SUSD4: variants seen among roughly 807,000 people sequenced by gnomAD.
SUSD4 encodes sushi domain-containing protein 4.
In SUSD4, 41 loss-of-function variants were observed where a neutral mutation model predicts 50.5. The ratio of observed to expected loss-of-function variants is 0.81; its 90% CI spans 0.63 to 1.05. The LOEUF (loss-of-function observed/expected upper bound fraction) is 1.05, where lower values mean the gene tolerates loss of function less well. Among genes scored for constraint, SUSD4 ranks in the 50% least tolerant of loss-of-function variants. SUSD4 has a pLI of 0.00. For synonymous variants in SUSD4, 257 were observed against 257.3 expected (o/e 1.00, Z 0.01); for missense variants, 580 against 634.7 (o/e 0.91, Z 0.93).
At chr1:223,252,902 C>T (rs114147549) in intron 5 of SUSD4, among the ~76,000 whole-genome samples, 7,432 of 151,708 alleles carry the variant, frequency 0.049, 277 homozygotes, top group Non-Finnish European at 0.074. Context: ...ACCAGCCTGG[C>T]CAACATGGTA....
intron 2 of SUSD4, among the ~76,000 whole-genome samples, chr1:223,298,914 T>C (rs1010527647): frequency 2.0e-5 from 3 of 152,208 alleles, no homozygotes; most frequent in African/African-American, 7.2e-5. Context: ...GGTGACAGCA[T>C]TGAGGATCAG....
At chr1:223,277,636 T>C (rs950691326) in intron 3 of SUSD4, among the ~76,000 whole-genome samples, 1 of 152,148 alleles carries the variant, frequency 6.6e-6, no homozygotes, top group Non-Finnish European at 1.5e-5. Context: ...TTAAAAGTTC[T>C]GCAAGTGATC....
chr1:223,297,217 C>T (rs1664886525), intron 2 of SUSD4, among the ~76,000 whole-genome samples: 1 of 152,194 alleles, frequency 6.6e-6, no homozygotes, highest in African/African-American at 2.4e-5. Flanking sequence ...TGTCTGCTAA[C>T]ATGTGGAGAG....
intron 2 of SUSD4, among the ~76,000 whole-genome samples, chr1:223,347,139 G>A (rs1406853370): frequency 5.3e-5 from 8 of 152,064 alleles, no homozygotes; most frequent in Non-Finnish European, 1.5e-5. Flanking sequence ...ATACAGGCAA[G>A]CAATAAGCAA....
intron 2 of SUSD4, among the ~76,000 whole-genome samples, chr1:223,347,570 CA>C (rs67447082): frequency 0.33 from 49,254 of 150,980 alleles, 8,029 homozygotes; most frequent in African/African-American, 0.39. Flanking sequence ...CAGTAGAAGC[CA>C]CTATTGGGGG....
In SUSD4 at chr1:223,348,200, A is replaced by G. The variant is rs143693701; in HGVS notation, c.148+15078T>C. Among the ~76,000 whole-genome samples the G allele has an allele frequency of 1.3e-3, 192 of 152,366 alleles. 1 individual carries two copies. Among genetic ancestry groups the G allele is most frequent in the African/African-American group, 4.4e-3 (184 of 41,584 alleles). On this transcript the variant is annotated intron_variant, in intron 2 of 8. Coordinates refer to ENST00000366878, the MANE Select transcript of SUSD4 (RefSeq NM_017982.4). ...CAGTTATCAAGTCCATAATGCTTCA[A>G]TATGTCATAACAACATGCTGAATTA...
chr1:223,311,872 T>A (rs1315408282), intron 2 of SUSD4, among the ~76,000 whole-genome samples: 1 of 152,202 alleles, frequency 6.6e-6, no homozygotes, highest in Non-Finnish European at 1.5e-5. Flanking sequence ...TCTGTCTGTG[T>A]CCTTTCATTG....
At chr1:223,286,566 C>G (rs958232266) in intron 3 of SUSD4, among the ~76,000 whole-genome samples, 1 of 152,176 alleles carries the variant, frequency 6.6e-6, no homozygotes, top group African/African-American at 2.4e-5. Context: ...AAATGCAAAT[C>G]TTAACCAGAC....
At chr1:223,228,688 G>A (rs899343231) in intron 6 of SUSD4, among the ~76,000 whole-genome samples, 1 of 152,168 alleles carries the variant, frequency 6.6e-6, no homozygotes, top group African/African-American at 2.4e-5. Flanking sequence ...AGTATCATCT[G>A]TATTCTGATA....
intron 3 of SUSD4, among the ~76,000 whole-genome samples, chr1:223,276,552 A>C (rs1663290259): frequency 6.6e-6 from 1 of 152,210 alleles, no homozygotes. Flanking sequence ...ATTTGCCTCG[A>C]CCTGACCTGA....
chr1:223,337,425 T>C lies in SUSD4; in HGVS notation c.148+25853A>G, dbSNP rs2103289431. 2.6e-5 allele frequency among the ~76,000 whole-genome samples: 4 copies of C among 152,346 alleles called. No homozygotes were observed. The South Asian group carries it at 8.3e-4, about 32-fold the overall frequency. On this transcript the variant is annotated intron_variant, in intron 2 of 8. Coordinates refer to ENST00000366878, the MANE Select transcript of SUSD4 (RefSeq NM_017982.4). ...CTACCCACAGACTGTGTTGAGTGGATGAAACCTCAGATGTCTAAATTTAGC... is the reference window on the plus strand; with the variant it reads ...CTACCCACAGACTGTGTTGAGTGGACGAAACCTCAGATGTCTAAATTTAGC...
chr1:223,289,759 C>G (rs958782755), intron 3 of SUSD4, among the ~76,000 whole-genome samples: 1 of 152,194 alleles, frequency 6.6e-6, no homozygotes, highest in Admixed American at 6.5e-5. Context: ...GCTTGAATTA[C>G]GTGATTTCTC....
chr1:223,311,850 G>C (rs1337168304), intron 2 of SUSD4, among the ~76,000 whole-genome samples: 1 of 152,174 alleles, frequency 6.6e-6, no homozygotes, highest in African/African-American at 2.4e-5. Flanking sequence ...TGAAACAGGG[G>C]CTTGCATTGT....
At chr1:223,337,666 A>G (rs1468818445) in intron 2 of SUSD4, among the ~76,000 whole-genome samples, 2 of 152,138 alleles carry the variant, frequency 1.3e-5, no homozygotes, top group Non-Finnish European at 2.9e-5. Context: ...TGTGTACCAA[A>G]TCGTCAGGAC....
rs1163350013 is a variant in SUSD4 at position 223,221,129 on chromosome 1, T to C, written c.*1063A>G. ...ATAGGCAGGTGAGGTGGCTGAGCTA[T>C]CTGGGCTGGGAGGCCAGCCTCCTGG... On this transcript the variant is annotated 3_prime_UTR_variant, in exon 9 of 9. Coordinates refer to ENST00000366878, the MANE Select transcript of SUSD4 (RefSeq NM_017982.4). 5 of 400,702 alleles carry C rather than the reference T, an allele frequency of 1.2e-5. No homozygotes were observed. The highest frequency in any genetic ancestry group is 2.2e-5 in the Non-Finnish European group (5 of 226,256). The allele number at this position is 400,702 out of a possible 1,614,324, so 24.8% of individuals were successfully genotyped here. A position where few individuals can be genotyped will look rare whatever the true frequency, so the allele number is the denominator to read the frequency against.
chr1:223,361,204 T>C (rs935730267), intron 2 of SUSD4, among the ~76,000 whole-genome samples: 2 of 152,148 alleles, frequency 1.3e-5, no homozygotes, highest in Non-Finnish European at 2.9e-5. Flanking sequence ...TGCATTTCTT[T>C]CCTAAAAAAG....
intron 5 of SUSD4, among the ~76,000 whole-genome samples, chr1:223,240,447 T>C (rs1571861169): frequency 6.6e-6 from 1 of 152,268 alleles, no homozygotes; most frequent in Admixed American, 6.5e-5. Context: ...CCTTTTGTAG[T>C]TGTCCCACAG....
chr1:223,233,621 G>A (rs555427409), intron 5 of SUSD4, among the ~76,000 whole-genome samples: 3 of 152,188 alleles, frequency 2.0e-5, no homozygotes, highest in South Asian at 4.2e-4. Flanking sequence ...CATGAACAAC[G>A]GCCACATGGT....
intron 2 of SUSD4, among the ~76,000 whole-genome samples, chr1:223,313,934 C>A (rs987625305): frequency 3.9e-5 from 6 of 152,124 alleles, no homozygotes; most frequent in Admixed American, 3.9e-4. Context: ...CCAGGAATTG[C>A]CCACCCCTTC....
Sources: allele counts gnomAD v4.1 joint callset (sites outside exome capture counted in the v4.1 genomes callset), GRCh38; gene constraint gnomAD v4.1.1; transcripts MANE v1.5; gene names NCBI Gene and HGNC (gene_info 2026-07-23, HGNC 2026-07-21).